TIAM1: variants seen among roughly 807,000 people sequenced by gnomAD.
TIAM1 encodes the protein TIAM Rac1 associated GEF 1.
TIAM1 carries 65 observed loss-of-function variants against 163.5 expected under a neutral mutation model. The observed-to-expected ratio is 0.40, with a 90% CI of 0.33 to 0.49. The LOEUF (loss-of-function observed/expected upper bound fraction) is 0.49, where lower values mean the gene tolerates loss of function less well. Ranked by LOEUF, TIAM1 falls within the 20% of genes least tolerant of loss-of-function variation. The pLI is 0.77. For missense variants in TIAM1, 1,789 were observed against 2,044.7 expected, an observed-to-expected ratio of 0.87 and a Z score of 2.41; for synonymous variants, 833 against 810.1, an observed-to-expected ratio of 1.03 and a Z score of -0.48.
rs1179938376 is a variant in TIAM1, at chr21:31,130,197, A to G, written c.4045+16T>C. On this transcript the variant is annotated intron_variant, in intron 25 of 27. Transcript: ENST00000541036. ...GAAATATGTGTGTGAAATACCCAGC[A>G]CAGGTGAGAGTTTACCTGCACTCGC... The G allele has an allele frequency of 1.2e-6, 2 of 1,608,206 alleles. No homozygotes were observed. The highest frequency in any genetic ancestry group is 1.1e-5 in the South Asian group (1 of 90,958).
intron 1 of TIAM1, among the ~76,000 whole-genome samples, chr21:31,534,799 C>T (rs1183125147): frequency 6.6e-6 from 1 of 152,198 alleles, no homozygotes; most frequent in African/African-American, 2.4e-5. Context: ...GAGCATTTGA[C>T]ATATTTTCTC....
In TIAM1 at chr21:31,188,578, T is replaced by C. The variant is rs111698249; in HGVS notation, c.2576-1491A>G. 3.3e-3 allele frequency among the ~76,000 whole-genome samples: 503 copies of C among 152,254 alleles called. 2 individuals carry two copies. Among genetic ancestry groups the C allele is most frequent in the African/African-American group, 0.011 (461 of 41,550 alleles). ...TACATTCTGAGACCAATTTTTTTGTTTGTTTGTTATTAAAGAGACAGGGTC... is the reference window on the plus strand; with the variant it reads ...TACATTCTGAGACCAATTTTTTTGTCTGTTTGTTATTAAAGAGACAGGGTC... On this transcript the variant is annotated intron_variant, in intron 13 of 27. Transcript: ENST00000541036.
intron 2 of TIAM1, among the ~76,000 whole-genome samples, chr21:31,407,354 G>A (rs1186070735): frequency 1.3e-5 from 2 of 152,230 alleles, no homozygotes; most frequent in Non-Finnish European, 2.9e-5. Context: ...CACACCATCA[G>A]TGGAGTTCAC....
chr21:31,421,486 G>A lies in TIAM1; in HGVS notation c.-369+42497C>T, dbSNP rs116351576. Among the ~76,000 whole-genome samples the A allele has an allele frequency of 6.2e-3, 948 of 152,308 alleles. 15 individuals are homozygous for A. The highest frequency in any genetic ancestry group is 0.021 in the African/African-American group (874 of 41,566). The stretch of plus-strand genomic sequence containing the variant: ...GAGCTCCGCCTCCTGTCAGATCAGC[G>A]GTGACATCAGATTCTCATAGGAGCA... On this transcript the variant is annotated intron_variant, in intron 2 of 28. Coordinates refer to the TIAM1 transcript ENST00000286827.
chr21:31,319,831 G>T (rs1261355600), intron 2 of TIAM1, among the ~76,000 whole-genome samples: 1 of 151,364 alleles, frequency 6.6e-6, no homozygotes, highest in Non-Finnish European at 1.5e-5. Context: ...TGAGCATAAG[G>T]TGGTACCTCA....
At chr21:31,246,619 T>C (rs2146723855) in intron 5 of TIAM1, among the ~76,000 whole-genome samples, 1 of 152,324 alleles carries the variant, frequency 6.6e-6, no homozygotes, top group East Asian at 1.9e-4. Context: ...GAAAGTTCAA[T>C]CTATTCGGCT....
chr21:31,287,220 T>C (rs574804313), intron 2 of TIAM1, among the ~76,000 whole-genome samples: 22 of 152,316 alleles, frequency 1.4e-4, no homozygotes, highest in African/African-American at 4.3e-4. Flanking sequence ...AAAAAGAGTA[T>C]ATAAAAATAG....
At chr21:31,493,815 A>G (rs1280416646) in intron 1 of TIAM1, among the ~76,000 whole-genome samples, 1 of 152,180 alleles carries the variant, frequency 6.6e-6, no homozygotes, top group African/African-American at 2.4e-5. Context: ...AGAAGTAGGG[A>G]ATGTATAACC....
At chr21:31,551,468 C>A (rs146830116) in intron 1 of TIAM1, among the ~76,000 whole-genome samples, 192 of 151,668 alleles carry the variant, frequency 1.3e-3, no homozygotes, top group Non-Finnish European at 2.2e-3. Context: ...AAAAAAATGC[C>A]ATGGCTCACA....
chr21:31,187,152 A>C, intron 13 of TIAM1, 65 bp from the exon 14 acceptor site: 4 of 1,441,986 alleles, frequency 2.8e-6, no homozygotes, highest in African/African-American at 1.4e-5. Flanking sequence ...AAACAACAGG[A>C]AGTGCCTGCT....
chr21:31,428,882 C>CAA (rs56402509), intron 2 of TIAM1, among the ~76,000 whole-genome samples: 1 of 123,870 alleles, frequency 8.1e-6, no homozygotes, highest in Non-Finnish European at 1.8e-5. Context: ...GACCCTGTCT[C>CAA]AAAAAAAAAA....
At chr21:31,452,945 C>A in intron 2 of TIAM1, 1 of 515,558 alleles carries the variant, frequency 1.9e-6, no homozygotes, top group South Asian at 1.5e-5. Flanking sequence ...AAGATGCGTT[C>A]TACAAAGGTG....
At position 31,404,367 on chromosome 21, in the gene TIAM1, TAAGC is replaced by T; in HGVS notation, c.-369+59612_-369+59615del. Among the ~76,000 whole-genome samples, 8 of 152,300 alleles carry T rather than the reference TAAGC, an allele frequency of 5.3e-5. 1 individual carries two copies. The highest frequency in any genetic ancestry group is 1.9e-4 in the African/African-American group (8 of 41,554). ...AACTGTTTGCCGTGTTAAAAATACT[TAAGC>T]AAACAGAGCTATGCTAAAAAGCCAT... On this transcript the variant is annotated intron_variant, in intron 2 of 28. Transcript: ENST00000286827.
intron 2 of TIAM1, among the ~76,000 whole-genome samples, chr21:31,394,559 T>G (rs2077019692): frequency 6.6e-6 from 1 of 152,072 alleles, no homozygotes; most frequent in Non-Finnish European, 1.5e-5. Flanking sequence ...TGCACCAGTC[T>G]GGGGCAGGAT....
intron 1 of TIAM1, among the ~76,000 whole-genome samples, chr21:31,522,519 A>C (rs1229263165): frequency 6.6e-6 from 1 of 151,808 alleles, no homozygotes; most frequent in African/African-American, 2.4e-5. Flanking sequence ...CCAAAAAAAA[A>C]AACAAAAACA....
At chr21:31,173,532 A>AGAG (rs2084620142) in intron 15 of TIAM1, among the ~76,000 whole-genome samples, 2 of 148,000 alleles carry the variant, frequency 1.4e-5, no homozygotes, top group Non-Finnish European at 3.0e-5. Context: ...GAGCGAGAGA[A>AGAG]AGAGAGAGAG....
At chr21:31,122,258 G>A (rs1411197741) in intron 27 of TIAM1, among the ~76,000 whole-genome samples, 1 of 152,092 alleles carries the variant, frequency 6.6e-6, no homozygotes, top group Non-Finnish European at 1.5e-5. Flanking sequence ...ATGGAAAAAG[G>A]GAATAGAAAA....
At chr21:31,299,930 G>A (rs533154788) in intron 2 of TIAM1, among the ~76,000 whole-genome samples, 4 of 152,268 alleles carry the variant, frequency 2.6e-5, no homozygotes, top group South Asian at 4.1e-4. Context: ...CTTTCCTTAC[G>A]TCTGCATGTT....
At chr21:31,260,738 C>A (rs1275594936) in intron 4 of TIAM1, among the ~76,000 whole-genome samples, 25 of 126,804 alleles carry the variant, frequency 2.0e-4, no homozygotes, top group African/African-American at 3.0e-4. Context: ...TAGAGGAGAA[C>A]AGAAAAAAAA....
Sources: allele counts gnomAD v4.1 joint callset (sites outside exome capture counted in the v4.1 genomes callset), GRCh38; gene constraint gnomAD v4.1.1; transcripts MANE v1.5; gene names NCBI Gene and HGNC (gene_info 2026-07-23, HGNC 2026-07-21).